CEACAM21: variants seen among roughly 807,000 people sequenced by gnomAD.
CEACAM21 encodes cell adhesion molecule CEACAM21.
In CEACAM21, 38 loss-of-function variants were observed where a neutral mutation model predicts 33.2. That is an observed-to-expected ratio of 1.14 (90% confidence interval 0.88 to 1.50). CEACAM21 has a LOEUF of 1.50. Among genes scored for constraint, CEACAM21 ranks in the 40% most tolerant of loss-of-function variants. The probability of loss-of-function intolerance (pLI) is 0.00; values close to 1 mark genes in which losing one functional copy is unlikely to be tolerated. For missense variants in CEACAM21, 385 were observed against 364.6 expected (o/e 1.06, Z -0.46); for synonymous variants, 156 against 143.0 (o/e 1.09, Z -0.65).
chr19:41,573,072 T>C (rs1466577089), upstream of CEACAM21, among the ~76,000 whole-genome samples: 3 of 152,094 alleles, frequency 2.0e-5, no homozygotes. Flanking sequence ...GAGAAGGAGA[T>C]GGAGGTCTGA....
chr19:41,555,649 A>T (rs1297439525), intron 1 of CEACAM21, among the ~76,000 whole-genome samples: 1 of 151,966 alleles, frequency 6.6e-6, no homozygotes, highest in African/African-American at 2.4e-5. Context: ...CCACAAGACC[A>T]AGCCACACAA....
At position 41,560,337 on chromosome 19, in the gene CEACAM21, C is replaced by T. The variant is rs1382027371; in HGVS notation, c.-778-4345C>T. ...TCCTAGGCTCAAGCAATCCTCCTGCCTCACCCTCCCAAGTACCTAGGACTA... is the reference window on the plus strand; with the variant it reads ...TCCTAGGCTCAAGCAATCCTCCTGCTTCACCCTCCCAAGTACCTAGGACTA... On this transcript the variant is annotated intron_variant, in intron 1 of 7. Coordinates refer to the CEACAM21 transcript ENST00000407170. Among the ~76,000 whole-genome samples, 4 of 152,242 alleles carry T rather than the reference C, an allele frequency of 2.6e-5. No homozygotes were observed. In the East Asian group the frequency reaches 7.7e-4, roughly 29 times the overall value.
intron 1 of CEACAM21, among the ~76,000 whole-genome samples, chr19:41,555,931 A>C (rs897041999): frequency 4.4e-4 from 67 of 152,322 alleles, no homozygotes; most frequent in African/African-American, 1.4e-3. Context: ...TTGCACTCAC[A>C]AAGGACGTGT....
chr19:41,550,995 T>C (rs1188657564), intron 1 of CEACAM21, among the ~76,000 whole-genome samples: 1 of 152,236 alleles, frequency 6.6e-6, no homozygotes, highest in African/African-American at 2.4e-5. Flanking sequence ...TGCTGCATGC[T>C]GCAGTGATGA....
chr19:41,560,318 G>A (rs1338928521), intron 1 of CEACAM21, among the ~76,000 whole-genome samples: 5 of 151,942 alleles, frequency 3.3e-5, no homozygotes, highest in South Asian at 4.1e-4. Flanking sequence ...AAATTCCTAG[G>A]CTCAAGCAAT....
At chr19:41,574,907 T>C (rs544810925), upstream of CEACAM21, among the ~76,000 whole-genome samples, 1 of 152,268 alleles carries the variant, frequency 6.6e-6, no homozygotes, top group South Asian at 2.1e-4. Flanking sequence ...TTGCAGCGGT[T>C]TTCACAATAG....
At chr19:41,571,731 C>G (rs183161960), upstream of CEACAM21, among the ~76,000 whole-genome samples, 176 of 152,356 alleles carry the variant, frequency 1.2e-3, no homozygotes, top group African/African-American at 4.1e-3. Flanking sequence ...GGGTCTTACT[C>G]CTGGCCCCTG....
At chr19:41,576,396 G>A in intron 1 of CEACAM21, 58 bp downstream of exon 1, 3 of 1,554,478 alleles carry the variant, frequency 1.9e-6, no homozygotes, top group Non-Finnish European at 2.6e-6. Context: ...ACTGGCTGGG[G>A]TCTCCTGGGG....
chr19:41,554,375 C>A (rs782497544), intron 1 of CEACAM21, among the ~76,000 whole-genome samples: 2 of 151,942 alleles, frequency 1.3e-5, no homozygotes, highest in Non-Finnish European at 2.9e-5. Context: ...GTCAAAGACA[C>A]AATTGACAAG....
upstream of CEACAM21, among the ~76,000 whole-genome samples, chr19:41,573,606 A>G (rs1228433091): frequency 6.6e-6 from 1 of 152,250 alleles, no homozygotes; most frequent in Non-Finnish European, 1.5e-5. Flanking sequence ...GTAAGCATGA[A>G]TATAACTCCA....
chr19:41,585,119 T>G (rs1555794841), intron 4 of CEACAM21, among the ~76,000 whole-genome samples: 1 of 152,158 alleles, frequency 6.6e-6, no homozygotes, highest in Admixed American at 6.5e-5. Flanking sequence ...GCTTTCCCCC[T>G]GGTGCCTTGA....
chr19:41,560,708 T>C (rs782123506), intron 1 of CEACAM21, among the ~76,000 whole-genome samples: 6 of 152,238 alleles, frequency 3.9e-5, no homozygotes, highest in Non-Finnish European at 1.5e-5. Context: ...ATAACTTTGG[T>C]GACTTAAAGA....
chr19:41,576,219 G>T lies in CEACAM21; in HGVS notation c.-56G>T. 8 of 1,599,714 alleles carry T rather than the reference G, an allele frequency of 5.0e-6. No individual in the cohort carries two copies. Among genetic ancestry groups the T allele is most frequent in the Admixed American group, 1.7e-5 (1 of 59,868 alleles). On this transcript the variant is annotated 5_prime_UTR_variant, in exon 1 of 7. Coordinates refer to ENST00000401445, the MANE Select transcript of CEACAM21 (RefSeq NM_001098506.4). ...CAGTCACAGTAACCCTGTCTAGAGC[G>T]TTCCTGGAGCCCAAGCTCCTCTCCA...
chr19:41,551,292 TG>T (rs1555784153), intron 1 of CEACAM21: 1 of 152,042 alleles, frequency 6.6e-6, no homozygotes, highest in East Asian at 1.9e-4. Context: ...CCTGAGTAGT[TG>T]AGATTACAGG....
intron 1 of CEACAM21, among the ~76,000 whole-genome samples, chr19:41,562,289 A>G (rs140840878): frequency 0.028 from 4,260 of 151,812 alleles, 87 homozygotes; most frequent in Non-Finnish European, 0.042. Context: ...AAAAAACACT[A>G]TAAAGAAAGT....
intron 1 of CEACAM21, among the ~76,000 whole-genome samples, chr19:41,556,386 G>A (rs1056370736): frequency 3.9e-5 from 6 of 152,312 alleles, no homozygotes; most frequent in African/African-American, 1.4e-4. Context: ...CTAAAACGGA[G>A]TTTCACTCAA....
rs2070763634 is a variant in CEACAM21 at position 41,586,834 on chromosome 19, AC to A, written c.*372del. 1 of 229,036 alleles carries A rather than the reference AC, an allele frequency of 4.4e-6. No individual in the cohort carries two copies. The highest frequency in any genetic ancestry group is 8.9e-6 in the Non-Finnish European group (1 of 112,790). 14.2% of individuals were successfully genotyped at this position (229,036 alleles called of 1,614,324 possible). ...TGGAAAGGATCTGAATAAAGGGGAA[AC>A]TTCCTCTCATTGGCTCTTTTTCTGC... On this transcript the variant is annotated 3_prime_UTR_variant, in exon 7 of 7. Transcript: ENST00000401445.
chr19:41,549,909 GT>G (rs1190931736), intron 1 of CEACAM21, among the ~76,000 whole-genome samples: 5 of 151,842 alleles, frequency 3.3e-5, no homozygotes, highest in African/African-American at 1.2e-4. Flanking sequence ...AAAAAAATAT[GT>G]TTTCCATGGA....
intron 4 of CEACAM21, 151 bp from the exon 5 acceptor site, chr19:41,585,292 C>T: frequency 1.3e-6 from 1 of 747,806 alleles, no homozygotes; most frequent in Admixed American, 2.3e-5. Context: ...CTCAACTCCC[C>T]TCACCTGGGC....
Sources: gnomAD v4.1 joint callset for allele counts (sites outside exome capture counted in the v4.1 genomes callset) on GRCh38, gnomAD v4.1.1 for gene constraint, MANE v1.5 for transcripts, NCBI Gene and HGNC (gene_info 2026-07-23, HGNC 2026-07-21) for gene names.